Variants in BCCIP observed in about 807,000 individuals in gnomAD.
The protein encoded by BCCIP is BRCA2 and CDKN1A-interacting protein.
A neutral mutation model predicts 32.8 loss-of-function variants in BCCIP; 23 were observed. The observed-to-expected ratio is 0.70, with a 90% CI of 0.51 to 0.99. The LOEUF is 0.99. Ranked by LOEUF, BCCIP falls within the 50% of genes least tolerant of loss-of-function variation. The pLI, the probability that BCCIP is intolerant of heterozygous loss-of-function variation, is 0.00. For missense variants in BCCIP, 378 were observed against 379.8 expected (o/e 1.00, Z 0.04); for synonymous variants, 144 against 137.6 (o/e 1.05, Z -0.33).
chr10:125,829,639 A>T (rs1854478529), intron 3 of BCCIP, among the ~76,000 whole-genome samples: 1 of 152,314 alleles, frequency 6.6e-6, no homozygotes, highest in East Asian at 1.9e-4. Flanking sequence ...ACTTTATGGC[A>T]CTCAATGTAA....
At chr10:125,839,153 T>G, downstream of BCCIP, 1 of 1,614,206 alleles carries the variant, frequency 6.2e-7, no homozygotes, top group Non-Finnish European at 8.5e-7. Flanking sequence ...GCTGAACAGT[T>G]GAGGAAGTAA....
At position 125,836,144 on chromosome 10, in the gene BCCIP, G is replaced by A. The variant is rs527791349; in HGVS notation, c.815G>A (p.Ser272Asn). 1 of 1,614,246 alleles carries A rather than the reference G, an allele frequency of 6.2e-7. No homozygotes were observed. Among genetic ancestry groups the A allele is most frequent in the East Asian group, 2.2e-5 (1 of 44,880 alleles). Reference sequence around the variant, plus strand: ...TTCAACTACTCAGTGCAGGAGGAGAGCGACACTTGTCTGGGAGGCAAATGG... The same window carrying A: ...TTCAACTACTCAGTGCAGGAGGAGAACGACACTTGTCTGGGAGGCAAATGG... ...LKFNYSVQEE[S>N]DTCLGGKWSF... Residue 272 changes from serine (S) to asparagine (N), a missense_variant, in exon 7 of 7, where the codon AGC becomes AAC. Transcript: ENST00000278100.
downstream of BCCIP, among the ~76,000 whole-genome samples, chr10:125,837,420 C>A (rs978994771): frequency 2.6e-5 from 4 of 152,092 alleles, no homozygotes; most frequent in African/African-American, 9.7e-5. Flanking sequence ...ATGTAGCAGC[C>A]ACAGTTATTT....
chr10:125,835,646 G>A (rs548359789), intron 6 of BCCIP, among the ~76,000 whole-genome samples: 1 of 152,126 alleles, frequency 6.6e-6, no homozygotes, highest in Non-Finnish European at 1.5e-5. Context: ...TGACCATTTG[G>A]GGGGAGTGTG....
rs758295476 is a variant in BCCIP, at chr10:125,836,108, C to T, written c.779C>T (p.Ala260Val). 5 of 1,609,746 alleles carry T rather than the reference C, an allele frequency of 3.1e-6. No individual in the cohort carries two copies. Among genetic ancestry groups the T allele is most frequent in the Non-Finnish European group, 4.2e-6 (5 of 1,176,700 alleles). Reference sequence around the variant, plus strand: ...ATGGTTACTTATTTGGTTTAGAAGGCAATTCTCAAGTTCAACTACTCAGTG... The same window carrying T: ...ATGGTTACTTATTTGGTTTAGAAGGTAATTCTCAAGTTCAACTACTCAGTG... ...NAEEEFFYEK[A>V]ILKFNYSVQE... The change falls in exon 7 of 7, where the codon GCA (alanine) becomes GTA (valine). Residue 260 changes from alanine (A) to valine (V), a missense_variant. Transcript: ENST00000278100.
chr10:125,835,516 TTG>T, intron 6 of BCCIP, among the ~76,000 whole-genome samples: 1 of 151,324 alleles, frequency 6.6e-6, no homozygotes, highest in Non-Finnish European at 1.5e-5. Context: ...GAGGCAGAGC[TTG>T]CGGTGAGCCG....
chr10:125,827,941 G>A (rs1448715757), intron 3 of BCCIP, among the ~76,000 whole-genome samples: 3 of 142,164 alleles, frequency 2.1e-5, no homozygotes, highest in African/African-American at 5.3e-5. Context: ...CACTCTAGCC[G>A]GGCAACACAG....
At chr10:125,848,014 C>T (rs571694974) in intron 7 of BCCIP, among the ~76,000 whole-genome samples, 2 of 152,246 alleles carry the variant, frequency 1.3e-5, no homozygotes, top group South Asian at 2.1e-4. Flanking sequence ...GGTTGGGGAC[C>T]CCTGCATTAA....
downstream of BCCIP, chr10:125,836,870 C>T: frequency 1.2e-6 from 2 of 1,611,432 alleles, no homozygotes; most frequent in Non-Finnish European, 1.7e-6. Flanking sequence ...TTATTTAAGA[C>T]AAAAAGATGA....
At chr10:125,839,209 G>A (rs1480199809), downstream of BCCIP, 2 of 1,608,584 alleles carry the variant, frequency 1.2e-6, no homozygotes, top group African/African-American at 2.7e-5. Context: ...AAGAACACAA[G>A]GCTATTTAGA....
intron 6 of BCCIP, among the ~76,000 whole-genome samples, chr10:125,834,834 A>C (rs1378583770): frequency 4.0e-5 from 6 of 148,216 alleles, no homozygotes; most frequent in African/African-American, 1.5e-4. Flanking sequence ...ACAAACAAAA[A>C]ACACAAAAAC....
At chr10:125,838,530 A>G, downstream of BCCIP, 1 of 811,948 alleles carries the variant, frequency 1.2e-6, no homozygotes, top group Non-Finnish European at 1.8e-6. Context: ...CTACTTTCAC[A>G]TGTAGAAAAT....
At chr10:125,849,727 A>G (rs769573891) in intron 7 of BCCIP, among the ~76,000 whole-genome samples, 6 of 152,124 alleles carry the variant, frequency 3.9e-5, no homozygotes, top group Admixed American at 1.3e-4. Flanking sequence ...CTCTTAGTAC[A>G]TGTAAATGTT....
At chr10:125,832,743 A>G (rs1233969503) in intron 5 of BCCIP, among the ~76,000 whole-genome samples, 2 of 150,854 alleles carry the variant, frequency 1.3e-5, no homozygotes, top group Admixed American at 6.6e-5. Context: ...GCAATATACT[A>G]TGATTGTGCC....
At chr10:125,830,297 G>A (rs1321904315) in intron 3 of BCCIP, among the ~76,000 whole-genome samples, 1 of 152,198 alleles carries the variant, frequency 6.6e-6, no homozygotes, top group African/African-American at 2.4e-5. Context: ...ATTTCAATCT[G>A]TTCAGAATCT....
downstream of BCCIP, chr10:125,838,415 G>A: frequency 6.5e-7 from 1 of 1,532,930 alleles, no homozygotes; most frequent in East Asian, 2.3e-5. Flanking sequence ...AAAGAAAAAA[G>A]ATTTTGTATT....
downstream of BCCIP, chr10:125,836,949 T>C: frequency 9.4e-7 from 1 of 1,069,174 alleles, no homozygotes; most frequent in Non-Finnish European, 1.4e-6. Context: ...CCCTGGAGAA[T>C]CTACCTGTAG....
downstream of BCCIP, chr10:125,840,891 ATGC>A (rs1854857957): frequency 6.2e-7 from 1 of 1,609,448 alleles, no homozygotes; most frequent in Admixed American, 1.7e-5. Flanking sequence ...AGCCTTGTAA[ATGC>A]TGATGAGGGT....
chr10:125,833,698 T>G, intron 5 of BCCIP, 74 bp from the exon 6 acceptor site: 1 of 1,543,366 alleles, frequency 6.5e-7, no homozygotes, highest in Non-Finnish European at 8.9e-7. Context: ...CTCACCGGGT[T>G]TTCTGTGCTC....
Sources: gnomAD v4.1 joint callset for allele counts (sites outside exome capture counted in the v4.1 genomes callset) on GRCh38, gnomAD v4.1.1 for gene constraint, MANE v1.5 for transcripts, NCBI Gene and HGNC (gene_info 2026-07-23, HGNC 2026-07-21) for gene names.